ABCC4: variants seen among roughly 807,000 people sequenced by gnomAD.
ABCC4 encodes the protein ATP-binding cassette sub-family C member 4.
ABCC4 carries 102 observed loss-of-function variants against 168.5 expected under a neutral mutation model. That is an observed-to-expected ratio of 0.61 (90% CI 0.52 to 0.71). The LOEUF (loss-of-function observed/expected upper bound fraction) is 0.71. Ranked by LOEUF, ABCC4 falls within the 30% of genes least tolerant of loss-of-function variation. The pLI is 0.00. For missense variants in ABCC4, 1,402 were observed against 1,605.8 expected, an observed-to-expected ratio of 0.87 and a Z score of 2.17; for synonymous variants, 617 against 590.7, an observed-to-expected ratio of 1.04 and a Z score of -0.65.
Position 95,249,423 on chromosome 13 carries a change from G to T in ABCC4, c.75-1670C>A, listed in dbSNP as rs1383999609. ...CTTCCCATGGGGAACCCACTGCCTG[G>T]TGGCTTCTGCCTGCAGTGAAATGGT... On this transcript the variant is annotated intron_variant, in intron 1 of 30. Coordinates refer to ENST00000645237, the MANE Select transcript of ABCC4 (RefSeq NM_005845.5). Among the ~76,000 whole-genome samples the T allele has an allele frequency of 2.0e-5, 3 of 152,136 alleles. No individual in the cohort carries two copies. In the East Asian group the frequency reaches 5.8e-4, roughly 29 times the overall value.
At chr13:95,286,862 CA>C (rs1005730869) in intron 1 of ABCC4, among the ~76,000 whole-genome samples, 2 of 147,948 alleles carry the variant, frequency 1.4e-5, no homozygotes, top group Admixed American at 1.4e-4. Flanking sequence ...GAGGCTGAGG[CA>C]GGAGAATTGC....
At chr13:95,180,072 A>C (rs2037839005) in intron 11 of ABCC4, among the ~76,000 whole-genome samples, 1 of 152,182 alleles carries the variant, frequency 6.6e-6, no homozygotes. Flanking sequence ...ATGGAAAAAA[A>C]CAGTATTTCC....
chr13:95,224,034 T>G (rs1161563815), intron 4 of ABCC4, among the ~76,000 whole-genome samples: 1 of 150,990 alleles, frequency 6.6e-6, no homozygotes, highest in Non-Finnish European at 1.5e-5. Flanking sequence ...AAAAAAAACT[T>G]AAGATATAAT....
At chr13:95,236,586 G>A (rs1374490802) in intron 3 of ABCC4, among the ~76,000 whole-genome samples, 22 of 84,334 alleles carry the variant, frequency 2.6e-4, no homozygotes, top group African/African-American at 8.7e-4. Context: ...CTCGGCATGT[G>A]AACGCGCGCG....
At position 95,071,867 on chromosome 13, in the gene ABCC4, G is replaced by T; in HGVS notation, c.3019-14C>A. 1.3e-6 allele frequency: 2 copies of T among 1,486,080 alleles called. No homozygotes were observed. The highest frequency in any genetic ancestry group is 3.0e-5 in the South Asian group (2 of 67,054). 92.1% of individuals were successfully genotyped at this position (1,486,080 alleles called of 1,614,324 possible). ...TACTGAGATCATCTGAAAGAAATATGACATCCCGAGGGGTTAGGAATGGAG... is the reference window on the plus strand; with the variant it reads ...TACTGAGATCATCTGAAAGAAATATTACATCCCGAGGGGTTAGGAATGGAG... On this transcript the variant is annotated splice_polypyrimidine_tract_variant and intron_variant, in intron 24 of 30. Coordinates refer to ENST00000645237, the MANE Select transcript of ABCC4 (RefSeq NM_005845.5).
At chr13:95,299,100 T>A (rs528112001) in intron 1 of ABCC4, among the ~76,000 whole-genome samples, 48 of 146,196 alleles carry the variant, frequency 3.3e-4, no homozygotes, top group South Asian at 8.4e-4. Context: ...ACAAAAAAAA[T>A]TTTTTTTTAT....
chr13:95,145,621 A>G (rs2036467842), intron 19 of ABCC4, among the ~76,000 whole-genome samples: 1 of 151,434 alleles, frequency 6.6e-6, no homozygotes, highest in Non-Finnish European at 1.5e-5. Flanking sequence ...ATCTCCAAAA[A>G]AAAAAAAAAA....
chr13:95,028,521 G>A lies in ABCC4; in HGVS notation c.3870+6084C>T, dbSNP rs536333159. On this transcript the variant is annotated intron_variant, in intron 30 of 30. Coordinates refer to ENST00000645237, the MANE Select transcript of ABCC4 (RefSeq NM_005845.5). Reference sequence around the variant, plus strand: ...TCCCTCTTCAATAATTTCTGGGCCAGAGAAAATTAAAATCCAAAATTGCAG... The same window carrying A: ...TCCCTCTTCAATAATTTCTGGGCCAAAGAAAATTAAAATCCAAAATTGCAG... Among the ~76,000 whole-genome samples the A allele has an allele frequency of 2.0e-5, 3 of 152,172 alleles. No individual in the cohort carries two copies. The South Asian group carries it at 6.2e-4, about 32-fold the overall frequency.
chr13:95,259,717 G>A (rs780846410), intron 1 of ABCC4, among the ~76,000 whole-genome samples: 11 of 152,206 alleles, frequency 7.2e-5, no homozygotes, highest in Admixed American at 4.6e-4. Context: ...GACAATGACA[G>A]CAGTCTTTTA....
intron 20 of ABCC4, chr13:95,096,183 T>C (rs1235050812): frequency 6.3e-6 from 4 of 634,656 alleles, no homozygotes; most frequent in East Asian, 3.0e-5. Flanking sequence ...CCCATCTCTA[T>C]GAAAGAAAAA....
At chr13:95,140,798 A>G (rs1331357643) in intron 19 of ABCC4, among the ~76,000 whole-genome samples, 5 of 152,138 alleles carry the variant, frequency 3.3e-5, no homozygotes, top group Non-Finnish European at 7.3e-5. Flanking sequence ...CCAAATCCAT[A>G]TTCTGCCCGA....
chr13:95,215,549 T>C (rs1751030), intron 4 of ABCC4, among the ~76,000 whole-genome samples: 247 of 152,352 alleles, frequency 1.6e-3, no homozygotes, highest in African/African-American at 5.8e-3. Flanking sequence ...AGAATTTTAC[T>C]GTTGCATACT....
intron 1 of ABCC4, among the ~76,000 whole-genome samples, chr13:95,295,526 C>T (rs891152828): frequency 2.0e-5 from 3 of 151,910 alleles, no homozygotes; most frequent in Admixed American, 6.6e-5. Flanking sequence ...GATGCAGTGG[C>T]GTGCGCTTGT....
intron 22 of ABCC4, 59 bp from the exon 23 acceptor site, chr13:95,074,383 TTGCTCAGTTGAG>T (rs1316557724): frequency 7.2e-7 from 1 of 1,385,878 alleles, no homozygotes; most frequent in East Asian, 2.3e-5. Context: ...CGAGTGTGTT[TTGCTCAGTTGAG>T]CTACAGAAGA....
chr13:95,197,123 A>G (rs2038479075), intron 8 of ABCC4, among the ~76,000 whole-genome samples: 1 of 152,124 alleles, frequency 6.6e-6, no homozygotes, highest in South Asian at 2.1e-4. Context: ...TGTGTCCCCC[A>G]TCCTGCACTT....
intron 4 of ABCC4, among the ~76,000 whole-genome samples, chr13:95,226,598 G>A (rs4505186): frequency 0.76 from 115,853 of 151,578 alleles, 44,739 homozygotes; most frequent in Non-Finnish European, 0.83. Context: ...GAAAATGACA[G>A]CACTGAGATG....
intron 19 of ABCC4, among the ~76,000 whole-genome samples, chr13:95,129,488 T>C (rs1343820804): frequency 2.6e-5 from 4 of 152,234 alleles, no homozygotes; most frequent in South Asian, 2.1e-4. Flanking sequence ...TCTTGTGGCA[T>C]AGTACTGATT....
intron 1 of ABCC4, among the ~76,000 whole-genome samples, chr13:95,253,746 A>G (rs1316109870): frequency 6.6e-6 from 1 of 152,084 alleles, no homozygotes; most frequent in Non-Finnish European, 1.5e-5. Flanking sequence ...CCCATCAAAA[A>G]AAAAACAACA....
At chr13:95,266,598 G>A (rs980175980) in intron 1 of ABCC4, among the ~76,000 whole-genome samples, 9 of 152,264 alleles carry the variant, frequency 5.9e-5, no homozygotes, top group African/African-American at 9.6e-5. Flanking sequence ...CCTGGGGCAC[G>A]CAGTTTGCAT....
Sources: allele counts gnomAD v4.1 joint callset (sites outside exome capture counted in the v4.1 genomes callset), GRCh38; gene constraint gnomAD v4.1.1; transcripts MANE v1.5; gene names NCBI Gene and HGNC (gene_info 2026-07-23, HGNC 2026-07-21).